The following RFTN1 variants were observed in gnomAD, a reference collection of about 807,000 sequenced individuals.
The protein encoded by RFTN1 is raftlin.
A neutral mutation model predicts 46.5 loss-of-function variants in RFTN1; 26 were observed. The ratio of observed to expected loss-of-function variants is 0.56; its 90% CI spans 0.41 to 0.78. RFTN1 has a LOEUF of 0.78. RFTN1 is among the 30% of genes least tolerant of loss of function. The pLI is 0.00. For synonymous variants in RFTN1, 261 were observed against 284.2 expected (o/e 0.92, Z 0.82); for missense variants, 693 against 718.7 (o/e 0.96, Z 0.41).
chr3:16,487,031 G>A (rs1361095608), intron 2 of RFTN1, among the ~76,000 whole-genome samples: 1 of 152,186 alleles, frequency 6.6e-6, no homozygotes. Context: ...TGAGAAGGCT[G>A]TTGTCTGCAA....
Position 16,335,984 on chromosome 3 carries a change from G to T in RFTN1, c.1147-9108C>A, listed in dbSNP as rs1479381608. On this transcript the variant is annotated intron_variant, in intron 7 of 9. Coordinates refer to ENST00000334133, the MANE Select transcript of RFTN1 (RefSeq NM_015150.2). The surrounding 1 kb of genome is among the most constrained non-coding windows in gnomAD (Gnocchi z 4.7). ...AGCATGCTGGCGCCTTCTCAGGGCT[G>T]CCTGGGCCCTGCTCAGCACACGCTG... Among the ~76,000 whole-genome samples, 4 of 152,222 alleles carry T rather than the reference G, an allele frequency of 2.6e-5. No homozygotes were observed. Among genetic ancestry groups the T allele is most frequent in the Non-Finnish European group, 4.4e-5 (3 of 68,038 alleles).
intron 4 of RFTN1, among the ~76,000 whole-genome samples, chr3:16,390,159 T>G (rs1559316820): frequency 6.6e-6 from 1 of 152,246 alleles, no homozygotes; most frequent in Non-Finnish European, 1.5e-5. Flanking sequence ...TGACTGCTAT[T>G]GTTTAAAGCC....
In RFTN1 at chr3:16,374,940, C is replaced by T. The variant is rs944211694; in HGVS notation, c.826+2778G>A. On this transcript the variant is annotated intron_variant, in intron 5 of 9. Coordinates refer to ENST00000334133, the MANE Select transcript of RFTN1 (RefSeq NM_015150.2). This position sits in a 1 kb window ranked among gnomAD's most constrained non-coding sequence, Gnocchi z 5.4. ...GGGAGGGACGACCTGCCCCTGCTTC[C>T]GCATGGAGAATCCACTGGAAAGTCC... Among the ~76,000 whole-genome samples, 5 of 152,156 alleles carry T rather than the reference C, an allele frequency of 3.3e-5. No homozygotes were observed. The highest frequency in any genetic ancestry group is 7.2e-5 in the African/African-American group (3 of 41,450).
Position 16,344,691 on chromosome 3 carries a change from G to C in RFTN1, c.1146+13241C>G, listed in dbSNP as rs1027358599. 6.6e-6 allele frequency among the ~76,000 whole-genome samples: 1 copy of C among 152,182 alleles called. No homozygotes were observed. The highest frequency in any genetic ancestry group is 2.4e-5 in the African/African-American group (1 of 41,428). On this transcript the variant is annotated intron_variant, in intron 7 of 9. Transcript: ENST00000334133. This position sits in a 1 kb window ranked among gnomAD's most constrained non-coding sequence, Gnocchi z 4.4. ...CCAAGGCACAGGATGGCATCAGAAAGCTCATGAAGACAGACCTCCTCCCAA... is the reference window on the plus strand; with the variant it reads ...CCAAGGCACAGGATGGCATCAGAAACCTCATGAAGACAGACCTCCTCCCAA...
At chr3:16,420,771 C>T (rs538094850) in intron 3 of RFTN1, among the ~76,000 whole-genome samples, 1 of 152,350 alleles carries the variant, frequency 6.6e-6, no homozygotes, top group South Asian at 2.1e-4. Context: ...AATGGCTATA[C>T]ATGGCTAATG....
rs558096864 is a variant in RFTN1 at position 16,378,012 on chromosome 3, C to T, written c.532G>A (p.Val178Met). Residue 178 changes from valine (V) to methionine (M), a missense_variant, in exon 5 of 10, where the codon GTG becomes ATG. Coordinates refer to ENST00000334133, the MANE Select transcript of RFTN1 (RefSeq NM_015150.2). ...TCCTCGGTGCTGTTGGCAGTAGACA[C>T]CGGAGCACTGCTGCCTGCCGAGTTC... is the stretch of plus-strand genomic sequence containing the variant. ...SVNSAGSSAP[V>M]STANSTEDAR... 2.6e-5 allele frequency: 42 copies of T among 1,614,258 alleles called. No homozygotes were observed. In the South Asian group the frequency reaches 3.2e-4, roughly 12 times the overall value.
At chr3:16,409,838 C>G (rs570270286) in intron 3 of RFTN1, among the ~76,000 whole-genome samples, 1 of 152,246 alleles carries the variant, frequency 6.6e-6, no homozygotes, top group East Asian at 1.9e-4. Context: ...GCGCCCGCCA[C>G]TGCGCCCAGC....
intron 8 of RFTN1, among the ~76,000 whole-genome samples, chr3:16,323,700 C>T (rs940806033): frequency 7.2e-5 from 11 of 152,330 alleles, no homozygotes; most frequent in South Asian, 4.1e-4. Flanking sequence ...TAGCTGGACA[C>T]GCCCATTCCC....
chr3:16,317,162 G>T lies in RFTN1; in HGVS notation c.1403C>A (p.Ala468Asp). Residue 468 changes from alanine (A) to aspartate (D), a missense_variant, in exon 10 of 10, where the codon GCC (alanine) becomes GAC (aspartate). Ala to Asp is a moderately radical substitution (Grantham distance 126, BLOSUM62 -2). Coordinates refer to ENST00000334133, the MANE Select transcript of RFTN1 (RefSeq NM_015150.2). The surrounding 1 kb of genome is among the most constrained non-coding windows in gnomAD (Gnocchi z 4.3). ...TTCTTCTGCTTGTTGTTTGTCTCTG[G>T]CACTGAGTTTACCTTTTGATTTCCT... ...QMRKSKGKLS[A>D]RDKQQAEENE... is the part of the protein sequence containing the mutation. The T allele has an allele frequency of 6.2e-7, 1 of 1,613,388 alleles. No individual in the cohort carries two copies. The highest frequency in any genetic ancestry group is 1.1e-5 in the South Asian group (1 of 91,066).
At chr3:16,406,798 A>AG in intron 4 of RFTN1, among the ~76,000 whole-genome samples, 1 of 152,322 alleles carries the variant, frequency 6.6e-6, no homozygotes, top group South Asian at 2.1e-4. Flanking sequence ...CTGTTTCACT[A>AG]AAAGTCAGTT....
In RFTN1 at chr3:16,483,356, C is replaced by G. The variant is rs538365045; in HGVS notation, c.145+10369G>C. Among the ~76,000 whole-genome samples, 1 of 152,146 alleles carries G rather than the reference C, an allele frequency of 6.6e-6. No homozygotes were observed. The highest frequency in any genetic ancestry group is 1.5e-5 in the Non-Finnish European group (1 of 68,014). ...TTGGGCTCCCCTGTAAAGCACCCCCCTCCCTCCCAGAACCTGCAGGCACCA... is the reference window on the plus strand; with the variant it reads ...TTGGGCTCCCCTGTAAAGCACCCCCGTCCCTCCCAGAACCTGCAGGCACCA... On this transcript the variant is annotated intron_variant, in intron 2 of 9. Transcript: ENST00000334133. The surrounding 1 kb of genome is among the most constrained non-coding windows in gnomAD (Gnocchi z 4.8).
At chr3:16,372,251 C>T (rs1217480642) in intron 5 of RFTN1, among the ~76,000 whole-genome samples, 1 of 152,174 alleles carries the variant, frequency 6.6e-6, no homozygotes, top group East Asian at 1.9e-4. Flanking sequence ...ACCACTGGGG[C>T]AGCTAGGGCT....
At position 16,345,148 on chromosome 3, in the gene RFTN1, G is replaced by A. The variant is rs1400175792; in HGVS notation, c.1146+12784C>T. ...CTTCCCCACCAAAACCTCTAATAAG[G>A]CACACAGCTCTGCTGACATCCCATT... On this transcript the variant is annotated intron_variant, in intron 7 of 9. Coordinates refer to ENST00000334133, the MANE Select transcript of RFTN1 (RefSeq NM_015150.2). The surrounding 1 kb of genome is among the most constrained non-coding windows in gnomAD (Gnocchi z 5.2). The A allele has an allele frequency of 6.6e-6, 1 of 152,202 alleles. No individual in the cohort carries two copies. Among genetic ancestry groups the A allele is most frequent in the African/African-American group, 2.4e-5 (1 of 41,424 alleles). 9.4% of individuals were successfully genotyped at this position (152,202 alleles called of 1,614,324 possible). A position where few individuals can be genotyped will look rare whatever the true frequency, so the allele number is the denominator to read the frequency against.
rs1344698451 is a variant in RFTN1, at chr3:16,458,646, CA to C, written c.146-24610del. On this transcript the variant is annotated intron_variant, in intron 2 of 9. Transcript: ENST00000334133. This position sits in a 1 kb window ranked among gnomAD's most constrained non-coding sequence, Gnocchi z 5.1. ...CACACACTCTATTTACATATCATAG[CA>C]AACAGCCTCTTATTTAGATGTCAAA... 1.3e-5 allele frequency among the ~76,000 whole-genome samples: 2 copies of C among 152,148 alleles called. No individual in the cohort carries two copies. The highest frequency in any genetic ancestry group is 4.8e-5 in the African/African-American group (2 of 41,432).
intron 5 of RFTN1, among the ~76,000 whole-genome samples, chr3:16,372,156 C>T (rs191339170): frequency 7.9e-5 from 12 of 152,194 alleles, no homozygotes; most frequent in Admixed American, 2.0e-4. Flanking sequence ...GAAGTGATCC[C>T]AGGAAACAGA....
rs541748170 is a variant in RFTN1, at chr3:16,352,940, C to G, written c.1146+4992G>C. 1.3e-5 allele frequency among the ~76,000 whole-genome samples: 2 copies of G among 152,154 alleles called. No individual in the cohort carries two copies. Among genetic ancestry groups the G allele is most frequent in the Non-Finnish European group, 2.9e-5 (2 of 68,032 alleles). On this transcript the variant is annotated intron_variant, in intron 7 of 9. Coordinates refer to ENST00000334133, the MANE Select transcript of RFTN1 (RefSeq NM_015150.2). The surrounding 1 kb of genome is among the most constrained non-coding windows in gnomAD (Gnocchi z 4.6). ...GCCAACGTGCTGCACTGTCCGCACACTACATTTTCGTGTGTCCATGCACGT... is the reference window on the plus strand; with the variant it reads ...GCCAACGTGCTGCACTGTCCGCACAGTACATTTTCGTGTGTCCATGCACGT...
Position 16,512,964 on chromosome 3 carries a change from C to T in RFTN1, c.-9+478G>A, listed in dbSNP as rs1374203862. On this transcript the variant is annotated intron_variant, in intron 1 of 9. Transcript: ENST00000334133. This position sits in a 1 kb window ranked among gnomAD's most constrained non-coding sequence, Gnocchi z 4.3. Reference sequence around the variant, plus strand: ...GCAGAGGGGCAGTCAGGCACCGCCTCCACCCTGCCCCACCCAGGCCGCGCG... The same window carrying T: ...GCAGAGGGGCAGTCAGGCACCGCCTTCACCCTGCCCCACCCAGGCCGCGCG... 1 of 152,636 alleles carries T rather than the reference C, an allele frequency of 6.6e-6. No individual in the cohort carries two copies. The highest frequency in any genetic ancestry group is 6.5e-5 in the Admixed American group (1 of 15,276). 9.5% of individuals were successfully genotyped at this position (152,636 alleles called of 1,614,324 possible).
In RFTN1 at chr3:16,320,673, GAA is replaced by G. The variant is rs914261496; in HGVS notation, c.1332+2701_1332+2702del. On this transcript the variant is annotated intron_variant, in intron 9 of 9. Transcript: ENST00000334133. This position sits in a 1 kb window ranked among gnomAD's most constrained non-coding sequence, Gnocchi z 4.5. ...ATAAAAGGAGACAGCACTGTTCTGA[GAA>G]AAGGATGCTCGAGTAGAGCTAGAAA... 6.6e-6 allele frequency among the ~76,000 whole-genome samples: 1 copy of G among 152,248 alleles called. No individual in the cohort carries two copies. The highest frequency in any genetic ancestry group is 2.4e-5 in the African/African-American group (1 of 41,470).
rs1048535016 is a variant in RFTN1 at position 16,473,440 on chromosome 3, G to A, written c.145+20285C>T. 6.0e-5 allele frequency among the ~76,000 whole-genome samples: 9 copies of A among 149,714 alleles called. No homozygotes were observed. Among genetic ancestry groups the A allele is most frequent in the Admixed American group, 1.3e-4 (2 of 15,034 alleles). On this transcript the variant is annotated intron_variant, in intron 2 of 9. Transcript: ENST00000334133. This position sits in a 1 kb window ranked among gnomAD's most constrained non-coding sequence, Gnocchi z 5.3. Reference sequence around the variant, plus strand: ...TCCTGAGATAGAGTCTGGCTCTGTCGCCAAGGCTGGAGTGCAGTGGTGTGA... The same window carrying A: ...TCCTGAGATAGAGTCTGGCTCTGTCACCAAGGCTGGAGTGCAGTGGTGTGA...
Sources: gnomAD v4.1 joint callset for allele counts (sites outside exome capture counted in the v4.1 genomes callset) on GRCh38, gnomAD v4.1.1 for gene constraint, Gnocchi (gnomAD v3.1) non-coding constraint, MANE v1.5 for transcripts, NCBI Gene and HGNC (gene_info 2026-07-23, HGNC 2026-07-21) for gene names.